Variants in ESR1 observed in about 807,000 individuals in gnomAD.
The protein encoded by ESR1 is estrogen receptor.
ESR1 carries 12 observed loss-of-function variants against 52.7 expected under a neutral mutation model. The ratio of observed to expected loss-of-function variants is 0.23; its 90% CI spans 0.15 to 0.37. ESR1 has a LOEUF of 0.37. Ranked by LOEUF, ESR1 falls within the 10% of genes least tolerant of loss-of-function variation. The pLI, the probability that ESR1 is intolerant of heterozygous loss-of-function variation, is 1.00. For synonymous variants in ESR1, 305 were observed against 316.8 expected (o/e 0.96, Z 0.39); for missense variants, 584 against 779.7 (o/e 0.75, Z 2.99).
intron 3 of ESR1, among the ~76,000 whole-genome samples, chr6:151,927,460 C>A (rs1468061854): frequency 1.3e-5 from 2 of 152,088 alleles, no homozygotes; most frequent in Non-Finnish European, 2.9e-5. Flanking sequence ...TTGCCACCAC[C>A]TGAGCCAGAT....
intron 6 of ESR1, among the ~76,000 whole-genome samples, chr6:152,063,434 C>T (rs1366339287): frequency 6.6e-6 from 1 of 152,182 alleles, no homozygotes; most frequent in Non-Finnish European, 1.5e-5. Flanking sequence ...CTTTTCCCTA[C>T]AAAAGTGAGC....
chr6:151,975,207 G>C (rs549637297), intron 4 of ESR1, among the ~76,000 whole-genome samples: 2 of 152,242 alleles, frequency 1.3e-5, no homozygotes, highest in South Asian at 2.1e-4. Flanking sequence ...TACTTCTAAG[G>C]ATGGAATGCC....
At chr6:152,074,035 C>T (rs1421494577) in intron 6 of ESR1, among the ~76,000 whole-genome samples, 2 of 152,138 alleles carry the variant, frequency 1.3e-5, no homozygotes, top group Non-Finnish European at 2.9e-5. Context: ...TCCCTGCCCC[C>T]GCACATACAC....
intron 2 of ESR1, among the ~76,000 whole-genome samples, chr6:151,874,404 A>T (rs1012961357): frequency 6.6e-6 from 1 of 152,224 alleles, no homozygotes; most frequent in Non-Finnish European, 1.5e-5. Context: ...TTTGTGGAGC[A>T]CTTTGAAATG....
intron 4 of ESR1, among the ~76,000 whole-genome samples, chr6:151,994,527 C>T (rs940149077): frequency 6.6e-6 from 1 of 152,048 alleles, no homozygotes; most frequent in Admixed American, 6.6e-5. Context: ...CCAGATAGAC[C>T]GTAAGGGTGA....
intron 5 of ESR1, among the ~76,000 whole-genome samples, chr6:152,045,470 T>C (rs2046152961): frequency 6.6e-6 from 1 of 152,128 alleles, no homozygotes; most frequent in African/African-American, 2.4e-5. Flanking sequence ...GAGGATGGGA[T>C]CAGGCATAGC....
chr6:151,761,131 A>T (rs1435454183), intron 2 of ESR1, among the ~76,000 whole-genome samples: 1 of 152,066 alleles, frequency 6.6e-6, no homozygotes, highest in Non-Finnish European at 1.5e-5. Context: ...CCATTTTCCC[A>T]CTACTAATTA....
intron 4 of ESR1, among the ~76,000 whole-genome samples, chr6:151,970,349 A>T (rs78020001): frequency 0.01 from 1,584 of 152,156 alleles, 20 homozygotes; most frequent in African/African-American, 0.03. Flanking sequence ...CTGTCTTTCT[A>T]TTGCAACTTC....
chr6:151,955,450 A>G (rs2036797502), intron 4 of ESR1, among the ~76,000 whole-genome samples: 1 of 152,256 alleles, frequency 6.6e-6, no homozygotes, highest in African/African-American at 2.4e-5. Flanking sequence ...TATATAAAAA[A>G]GAAACAGACA....
intron 2 of ESR1, among the ~76,000 whole-genome samples, chr6:151,767,147 C>A (rs1019233174): frequency 2.6e-5 from 4 of 152,148 alleles, no homozygotes; most frequent in African/African-American, 9.7e-5. Flanking sequence ...GCAATTGCCC[C>A]AAATTCAGTA....
In ESR1 at chr6:152,074,398, C is replaced by T. The variant is rs545380195; in HGVS notation, c.1369+13274C>T. Reference sequence around the variant, plus strand: ...TCAGTGATATGCATTTAAGGTTCTTCCATGTCTTTTTATGGCTTGATAGCT... The same window carrying T: ...TCAGTGATATGCATTTAAGGTTCTTTCATGTCTTTTTATGGCTTGATAGCT... On this transcript the variant is annotated intron_variant, in intron 6 of 7. Transcript: ENST00000206249. Among the ~76,000 whole-genome samples, 356 of 152,240 alleles carry T rather than the reference C, an allele frequency of 2.3e-3. 2 individuals are homozygous for T. Among genetic ancestry groups the T allele is most frequent in the African/African-American group, 8.4e-3 (348 of 41,554 alleles).
In ESR1 at chr6:151,944,045, A is replaced by G. The variant is rs969596040; in HGVS notation, c.761-128A>G. The G allele has an allele frequency of 1.1e-5, 8 of 749,418 alleles. No homozygotes were observed. The African/African-American group carries it at 1.4e-4, about 13-fold the overall frequency. 46.4% of individuals were successfully genotyped at this position (749,418 alleles called of 1,614,324 possible). On this transcript the variant is annotated intron_variant, in intron 3 of 7. Transcript: ENST00000206249. ...TTGGAGAGCCACTTGTTGAACACTT[A>G]CCAGCTCACCTGTGCTTGAAAGTAT... is the stretch of plus-strand genomic sequence containing the variant.
At chr6:152,013,256 G>C (rs2042923312) in intron 5 of ESR1, among the ~76,000 whole-genome samples, 1 of 149,242 alleles carries the variant, frequency 6.7e-6, no homozygotes, top group Non-Finnish European at 1.5e-5. Flanking sequence ...TCTTTCTCCT[G>C]TCCTCTTAAT....
intron 4 of ESR1, among the ~76,000 whole-genome samples, chr6:151,981,535 A>G (rs1438897562): frequency 6.6e-6 from 1 of 152,208 alleles, no homozygotes; most frequent in Non-Finnish European, 1.5e-5. Flanking sequence ...CTTCTGATGG[A>G]TGCTGAGTTT....
At chr6:151,715,565 C>T (rs1319993689) in intron 2 of ESR1, among the ~76,000 whole-genome samples, 1 of 152,134 alleles carries the variant, frequency 6.6e-6, no homozygotes, top group Non-Finnish European at 1.5e-5. Flanking sequence ...ATCTTGTCTT[C>T]ATGCTTTATT....
At chr6:151,794,262 G>A (rs970344678) in intron 2 of ESR1, among the ~76,000 whole-genome samples, 2 of 152,054 alleles carry the variant, frequency 1.3e-5, no homozygotes, top group Admixed American at 1.3e-4. Context: ...GAGTCCAAAT[G>A]GGTTTCCATA....
chr6:152,015,657 G>A (rs575447611), intron 5 of ESR1, among the ~76,000 whole-genome samples: 6 of 152,196 alleles, frequency 3.9e-5, no homozygotes, highest in Non-Finnish European at 7.3e-5. Context: ...CATGGCAGCT[G>A]TTATTCCCAT....
intron 2 of ESR1, among the ~76,000 whole-genome samples, chr6:151,744,591 A>T (rs1336285346): frequency 1.3e-5 from 2 of 152,082 alleles, no homozygotes; most frequent in Non-Finnish European, 2.9e-5. Context: ...AGTTGTAAGG[A>T]TTCGTTATAT....
chr6:151,863,904 A>T (rs1028635089), intron 2 of ESR1, among the ~76,000 whole-genome samples: 1 of 152,232 alleles, frequency 6.6e-6, no homozygotes, highest in African/African-American at 2.4e-5. Context: ...TTATACAAAA[A>T]TTAATTCAAG....
Sources: gnomAD v4.1 joint callset for allele counts (sites outside exome capture counted in the v4.1 genomes callset) on GRCh38, gnomAD v4.1.1 for gene constraint, MANE v1.5 for transcripts, NCBI Gene and HGNC (gene_info 2026-07-23, HGNC 2026-07-21) for gene names.